The following CSMD3 variants were observed in gnomAD, a reference collection of about 807,000 sequenced individuals.
The protein encoded by CSMD3 is CUB and Sushi multiple domains 3.
CSMD3 carries 177 observed loss-of-function variants against 435.2 expected under a neutral mutation model. The ratio of observed to expected loss-of-function variants is 0.41; its 90% CI spans 0.36 to 0.46. The LOEUF is 0.46. Ranked by LOEUF, CSMD3 falls within the 20% of genes least tolerant of loss-of-function variation. CSMD3 has a pLI of 0.34. For missense variants in CSMD3, 4,265 were observed against 4,504.6 expected, an observed-to-expected ratio of 0.95 and a Z score of 1.52; for synonymous variants, 1,656 against 1,520.5, an observed-to-expected ratio of 1.09 and a Z score of -2.07.
At chr8:113,101,589 GGAAGAGA>G (rs2090331924) in intron 4 of CSMD3, among the ~76,000 whole-genome samples, 1 of 151,928 alleles carries the variant, frequency 6.6e-6, no homozygotes, top group Non-Finnish European at 1.5e-5. Context: ...CCTGACACAT[GGAAGAGA>G]GAACAACCCA....
chr8:112,538,971 G>A (rs1448938681), intron 27 of CSMD3: 1 of 152,634 alleles, frequency 6.6e-6, no homozygotes, highest in East Asian at 1.9e-4. Flanking sequence ...GGAAAGTATA[G>A]GCCAATATCT....
intron 4 of CSMD3, among the ~76,000 whole-genome samples, chr8:113,117,677 A>G (rs1019037004): frequency 8.5e-5 from 13 of 152,226 alleles, no homozygotes; most frequent in Admixed American, 7.9e-4. Context: ...AAAGGCAGCC[A>G]GGAGAGGTGT....
intron 22 of CSMD3, among the ~76,000 whole-genome samples, chr8:112,593,629 C>T (rs987354618): frequency 8.6e-5 from 13 of 151,886 alleles, no homozygotes; most frequent in African/African-American, 2.4e-4. Context: ...TATATATGTA[C>T]ACATATTGAG....
intron 1 of CSMD3, among the ~76,000 whole-genome samples, chr8:113,373,366 C>T (rs1465059941): frequency 3.3e-5 from 5 of 152,186 alleles, no homozygotes; most frequent in Middle Eastern, 3.4e-3. Flanking sequence ...TGGACACACA[C>T]ACACAAAGCC....
intron 32 of CSMD3, among the ~76,000 whole-genome samples, chr8:112,424,104 A>T (rs373139370): frequency 1.3e-5 from 2 of 152,318 alleles, no homozygotes; most frequent in East Asian, 3.9e-4. Context: ...AATGGTTGAA[A>T]ATTAATGATT....
intron 4 of CSMD3, among the ~76,000 whole-genome samples, chr8:113,122,919 A>G (rs1588114720): frequency 6.6e-6 from 1 of 151,850 alleles, no homozygotes; most frequent in South Asian, 2.1e-4. Context: ...ATTGTCAGGC[A>G]GGAGGAAGCT....
chr8:112,954,827 C>T, intron 7 of CSMD3, 66 bp from the exon 8 acceptor site: 2 of 1,017,582 alleles, frequency 2.0e-6, no homozygotes, highest in East Asian at 2.5e-5. Context: ...TTCAAGTTAA[C>T]AAATTTTGTT....
intron 13 of CSMD3, among the ~76,000 whole-genome samples, chr8:112,693,402 C>T (rs558086398): frequency 2.0e-5 from 3 of 152,094 alleles, no homozygotes; most frequent in Admixed American, 6.6e-5. Context: ...ATTTTGCCTT[C>T]ACTGTTGAAT....
chr8:112,485,148 T>A (rs1170070288), intron 31 of CSMD3, among the ~76,000 whole-genome samples: 1 of 152,168 alleles, frequency 6.6e-6, no homozygotes, highest in Non-Finnish European at 1.5e-5. Context: ...CATTAGCATC[T>A]CTTCTTGTTT....
chr8:113,114,974 G>A (rs540591519), intron 4 of CSMD3, among the ~76,000 whole-genome samples: 18 of 152,314 alleles, frequency 1.2e-4, no homozygotes, highest in African/African-American at 4.1e-4. Context: ...ATAAAGGGCT[G>A]AGATGATGCC....
At chr8:113,253,772 G>C (rs920204806) in intron 3 of CSMD3, among the ~76,000 whole-genome samples, 1 of 151,774 alleles carries the variant, frequency 6.6e-6, no homozygotes, top group Non-Finnish European at 1.5e-5. Flanking sequence ...TAGGGAGTTG[G>C]AGGTTGCAGT....
At chr8:112,271,374 T>A (rs749563673) in intron 59 of CSMD3, among the ~76,000 whole-genome samples, 14 of 152,152 alleles carry the variant, frequency 9.2e-5, no homozygotes, top group Non-Finnish European at 1.5e-4. Flanking sequence ...AAATTAAAAA[T>A]TTTTTAGAGA....
At chr8:113,405,061 T>C (rs549384007) in intron 1 of CSMD3, among the ~76,000 whole-genome samples, 1 of 151,654 alleles carries the variant, frequency 6.6e-6, no homozygotes, top group South Asian at 2.1e-4. Context: ...CATCACTTAA[T>C]ACATGGATGA....
intron 5 of CSMD3, among the ~76,000 whole-genome samples, chr8:113,082,033 C>G (rs2089586248): frequency 2.0e-5 from 3 of 152,136 alleles, no homozygotes; most frequent in Admixed American, 2.0e-4. Flanking sequence ...TCACTCCCAC[C>G]CTGACCATCA....
intron 9 of CSMD3, among the ~76,000 whole-genome samples, chr8:112,942,284 T>G (rs1040489648): frequency 6.6e-6 from 1 of 150,690 alleles, no homozygotes; most frequent in Non-Finnish European, 1.5e-5. Flanking sequence ...GTAAATTAGT[T>G]CAGCCACTGT....
At chr8:112,455,279 C>A (rs1816714758) in intron 32 of CSMD3, among the ~76,000 whole-genome samples, 1 of 151,830 alleles carries the variant, frequency 6.6e-6, no homozygotes, top group African/African-American at 2.4e-5. Context: ...GAAATCATGT[C>A]CTTTGAAGCA....
chr8:112,810,624 GT>G (rs1158052529), intron 12 of CSMD3, among the ~76,000 whole-genome samples: 1 of 152,028 alleles, frequency 6.6e-6, no homozygotes, highest in African/African-American at 2.4e-5. Context: ...AATACTGGAA[GT>G]TCAATCTGTA....
intron 1 of CSMD3, among the ~76,000 whole-genome samples, chr8:113,405,223 C>T (rs1440181762): frequency 6.6e-6 from 1 of 151,446 alleles, no homozygotes; most frequent in East Asian, 1.9e-4. Flanking sequence ...AAATTATATG[C>T]TTCTGACATT....
chr8:112,291,406 T>G (rs757888641), intron 56 of CSMD3, 104 bp downstream of exon 56: 7 of 827,056 alleles, frequency 8.5e-6, no homozygotes, highest in African/African-American at 3.4e-5. Context: ...AAAATCAATA[T>G]GCTTCTCTGT....
Sources: gnomAD v4.1 joint callset for allele counts (sites outside exome capture counted in the v4.1 genomes callset) on GRCh38, gnomAD v4.1.1 for gene constraint, MANE v1.5 for transcripts, NCBI Gene and HGNC (gene_info 2026-07-23, HGNC 2026-07-21) for gene names.